The following XG variants were observed in gnomAD, a reference collection of about 807,000 sequenced individuals.
The protein encoded by XG is glycoprotein Xg.
In XG, 24 loss-of-function variants were observed where a neutral mutation model predicts 25.7. The observed-to-expected ratio is 0.93, with a 90% CI of 0.68 to 1.31. XG has a LOEUF of 1.31. XG is among the 40% of genes most tolerant of loss of function. The pLI is 0.00. For missense variants in XG, 181 were observed against 187.6 expected, an observed-to-expected ratio of 0.96 and a Z score of 0.21; for synonymous variants, 77 against 69.2, an observed-to-expected ratio of 1.11 and a Z score of -0.56.
intron 5 of XG, 140 bp downstream of exon 5, chrX:2,789,846 T>C (rs2086821155): frequency 1.3e-5 from 4 of 303,654 alleles, no homozygotes; most frequent in Non-Finnish European, 2.2e-5. Context: ...TTTGATTCTA[T>C]GTTATTTTAC....
chrX:2,775,294 C>G (rs757880391), intron 3 of XG, among the ~76,000 whole-genome samples: 1 of 152,186 alleles, frequency 6.6e-6, no homozygotes, highest in South Asian at 2.1e-4. Context: ...ATTATTTAGC[C>G]TTGAAGAGGA....
At chrX:2,760,325 C>T (rs2050535365) in intron 1 of XG, among the ~76,000 whole-genome samples, 1 of 152,034 alleles carries the variant, frequency 6.6e-6, no homozygotes, top group East Asian at 1.9e-4. Flanking sequence ...TGTAATTGAC[C>T]ATGTTCCATG....
rs1262966568 is a variant in XG at position 2,805,462 on chromosome X, C to A, written c.374-1239C>A. Reference sequence around the variant, plus strand: ...CGTCGACATCATCATCTCCCTGTGTCCTCACAGGGTCGTCCCTCTGTGTGT... The same window carrying A: ...CGTCGACATCATCATCTCCCTGTGTACTCACAGGGTCGTCCCTCTGTGTGT... On this transcript the variant is annotated intron_variant, in intron 7 of 10. Coordinates refer to ENST00000644266, the MANE Select transcript of XG (RefSeq NM_001141919.2). Among the ~76,000 whole-genome samples the A allele has an allele frequency of 3.6e-5, 4 of 110,682 alleles. No individual in the cohort carries two copies. The East Asian group carries it at 1.1e-3, about 32-fold the overall frequency.
At chrX:2,776,324 G>A (rs747189875) in intron 3 of XG, among the ~76,000 whole-genome samples, 2 of 152,294 alleles carry the variant, frequency 1.3e-5, no homozygotes, top group South Asian at 4.2e-4. Context: ...AGGATAAATG[G>A]TTGCAGGAAA....
At position 2,791,058 on chromosome X, in the gene XG, GT is replaced by G. The variant is rs1339407148; in HGVS notation, c.253+1363del. 6.0e-3 allele frequency among the ~76,000 whole-genome samples: 617 copies of G among 102,277 alleles called. 7 individuals carry two copies. The highest frequency in any genetic ancestry group is 0.019 in the African/African-American group (533 of 28,718). The allele number at this position is 102,277 out of a possible 115,157, so 88.8% of individuals were successfully genotyped here. A position where few individuals can be genotyped will look rare whatever the true frequency, so the allele number is the denominator to read the frequency against. On this transcript the variant is annotated intron_variant, in intron 5 of 10. Transcript: ENST00000644266. ...TGATGGAGGAAGGCAATTTTTTCTT[GT>G]TTTTTTTTTTGTTGGTCTGTGTTCT...
At chrX:2,810,983 C>T (rs2087049911) in intron 9 of XG, among the ~76,000 whole-genome samples, 1 of 111,228 alleles carries the variant, frequency 9.0e-6, no homozygotes, top group South Asian at 3.8e-4. Context: ...CATGAATTGA[C>T]TTCAACAAAC....
intron 3 of XG, among the ~76,000 whole-genome samples, chrX:2,777,684 A>T (rs2051030412): frequency 6.6e-6 from 1 of 152,226 alleles, no homozygotes; most frequent in Admixed American, 6.5e-5. Flanking sequence ...AAAATAAAAT[A>T]GTAGGAATAG....
At chrX:2,760,464 G>A (rs1417311924) in intron 1 of XG, among the ~76,000 whole-genome samples, 8 of 151,730 alleles carry the variant, frequency 5.3e-5, no homozygotes, top group Admixed American at 3.3e-4. Flanking sequence ...GGCTGGGTGC[G>A]GTGGCTCATG....
intron 3 of XG, among the ~76,000 whole-genome samples, chrX:2,778,749 T>A (rs1220226019): frequency 6.6e-6 from 1 of 151,354 alleles, no homozygotes; most frequent in Admixed American, 6.6e-5. Context: ...GGATGATACG[T>A]GATCAAATCT....
At chrX:2,787,733 C>G (rs1256824598) in intron 4 of XG, among the ~76,000 whole-genome samples, 3 of 110,078 alleles carry the variant, frequency 2.7e-5, no homozygotes, top group Non-Finnish European at 5.7e-5. Flanking sequence ...ATGGTGAAAC[C>G]CTGTCTCTAC....
At chrX:2,768,406 G>A (rs757419884) in intron 1 of XG, among the ~76,000 whole-genome samples, 3 of 152,302 alleles carry the variant, frequency 2.0e-5, no homozygotes, top group African/African-American at 7.2e-5. Flanking sequence ...ATGTTGCACA[G>A]ATCCAAGAGG....
Position 2,811,404 on chromosome X carries a change from G to A in XG, c.523G>A (p.Ala175Thr). 8.3e-7 allele frequency: 1 copy of A among 1,206,406 alleles called. No homozygotes were observed. The highest frequency in any genetic ancestry group is 1.1e-6 in the Non-Finnish European group (1 of 892,967). Residue 175 changes from alanine to threonine, a missense_variant, in exon 10 of 11, where the codon GCC becomes ACC. Transcript: ENST00000644266. ...VVVVTLLGAAASYFKLNNRRN... is the reference protein window; with the variant it reads ...VVVVTLLGAATSYFKLNNRRN... ...GGTGGTGACACTGCTGGGAGCAGCA[G>A]CCAGTTATTTCAAACTAAACAATAG...
intron 1 of XG, among the ~76,000 whole-genome samples, chrX:2,763,238 T>C (rs747501206): frequency 6.6e-6 from 1 of 152,260 alleles, no homozygotes; most frequent in African/African-American, 2.4e-5. Context: ...GGTCTGGAAC[T>C]CCTGACCTCA....
intron 3 of XG, among the ~76,000 whole-genome samples, chrX:2,778,235 A>C (rs1269498614): frequency 6.6e-6 from 1 of 151,702 alleles, no homozygotes; most frequent in Non-Finnish European, 1.5e-5. Context: ...CTGTAGATGG[A>C]AATGTTATTA....
intron 1 of XG, among the ~76,000 whole-genome samples, chrX:2,764,975 G>T (rs2050643850): frequency 6.7e-6 from 1 of 149,636 alleles, no homozygotes; most frequent in Non-Finnish European, 1.5e-5. Context: ...AGGGAGGCAG[G>T]GGTTGTAGTG....
chrX:2,780,495 C>T (rs184687891), intron 3 of XG, among the ~76,000 whole-genome samples: 2 of 150,380 alleles, frequency 1.3e-5, no homozygotes, highest in African/African-American at 2.4e-5. Context: ...TTTGGGAGGC[C>T]GAGGTGGGTG....
At chrX:2,752,922 A>T (rs1261869283) in intron 1 of XG, 3 of 985,334 alleles carry the variant, frequency 3.0e-6, no homozygotes, top group Non-Finnish European at 3.6e-6. Flanking sequence ...ATCCAAGATT[A>T]GATTTTTCAG....
At chrX:2,757,163 G>T (rs1350204083) in intron 1 of XG, among the ~76,000 whole-genome samples, 1 of 152,050 alleles carries the variant, frequency 6.6e-6, no homozygotes, top group East Asian at 1.9e-4. Flanking sequence ...ACCATCCCCA[G>T]CTGAACACCT....
chrX:2,769,607 G>A (rs189800021), intron 1 of XG, among the ~76,000 whole-genome samples: 1 of 152,296 alleles, frequency 6.6e-6, no homozygotes, highest in East Asian at 1.9e-4. Context: ...GCTAGTACTG[G>A]CAGGGGCAAG....
Sources: gnomAD v4.1 joint callset for allele counts (sites outside exome capture counted in the v4.1 genomes callset) on GRCh38, gnomAD v4.1.1 for gene constraint, MANE v1.5 for transcripts, NCBI Gene and HGNC (gene_info 2026-07-23, HGNC 2026-07-21) for gene names.